The following GLRA2 variants were observed in gnomAD, a reference collection of about 807,000 sequenced individuals.
GLRA2 encodes the protein glycine receptor alpha 2.
Under a neutral mutation model 31.6 loss-of-function variants are expected in GLRA2, and 11 were observed. That is an observed-to-expected ratio of 0.35 (90% confidence interval 0.22 to 0.58). The LOEUF is 0.58. GLRA2 is among the 20% of genes least tolerant of loss of function. GLRA2 has a pLI of 0.84. For synonymous variants in GLRA2, 132 were observed against 134.0 expected, an observed-to-expected ratio of 0.99 and a Z score of 0.10; for missense variants, 212 against 351.8, an observed-to-expected ratio of 0.60 and a Z score of 3.18.
At chrX:14,479,535 C>A in the GLRA2 span, among the ~76,000 whole-genome samples, 1 of 111,269 alleles carries the variant, frequency 9.0e-6, no homozygotes, top group Admixed American at 9.6e-5. Flanking sequence ...AACCCTGACT[C>A]CCCCTTCTCT....
At chrX:14,715,410 T>A (rs949415700) in intron 8 of GLRA2, among the ~76,000 whole-genome samples, 1 of 112,312 alleles carries the variant, frequency 8.9e-6, no homozygotes, top group Admixed American at 9.5e-5. Flanking sequence ...TTTATACATA[T>A]ATGCATTCAA....
At chrX:14,542,798 C>A (rs2089423812) in intron 2 of GLRA2, among the ~76,000 whole-genome samples, 1 of 110,039 alleles carries the variant, frequency 9.1e-6, no homozygotes, top group African/African-American at 3.3e-5. Flanking sequence ...AACATTAGTG[C>A]TGGTCAGTTG....
At chrX:14,543,236 CAAAAAAAA>C (rs60906048) in intron 2 of GLRA2, among the ~76,000 whole-genome samples, 1 of 23,372 alleles carries the variant, frequency 4.3e-5, no homozygotes, top group Non-Finnish European at 7.8e-5. Flanking sequence ...TTGTCATCTG[CAAAAAAAA>C]AAAAAAAAAA....
chrX:14,607,653 AC>A (rs1464575027), intron 6 of GLRA2, among the ~76,000 whole-genome samples: 1 of 111,522 alleles, frequency 9.0e-6, no homozygotes, highest in Non-Finnish European at 1.9e-5. Flanking sequence ...GTCAATTTGC[AC>A]CCACTGTCTT....
intron 7 of GLRA2, among the ~76,000 whole-genome samples, chrX:14,636,617 C>T (rs938730725): frequency 9.0e-6 from 1 of 110,726 alleles, no homozygotes; most frequent in Non-Finnish European, 1.9e-5. Context: ...CTAAATGTAA[C>T]ATGGTATCCT....
intron 1 of GLRA2, chrX:14,531,193 A>T (rs939779261): frequency 3.4e-6 from 3 of 882,953 alleles, no homozygotes; most frequent in Middle Eastern, 3.1e-4. Flanking sequence ...GTATTTATGC[A>T]TGCTCATATC....
intron 3 of GLRA2, among the ~76,000 whole-genome samples, chrX:14,580,720 A>G (rs372404507): frequency 8.9e-6 from 1 of 112,330 alleles, no homozygotes; most frequent in East Asian, 2.8e-4. Context: ...TCATAGTTTT[A>G]TAAGATTTTC....
chrX:14,713,577 C>A (rs959926011), intron 8 of GLRA2, among the ~76,000 whole-genome samples: 5 of 111,974 alleles, frequency 4.5e-5, no homozygotes, highest in Non-Finnish European at 9.4e-5. Context: ...TAAACAATTA[C>A]TTCTAGTCCA....
intron 7 of GLRA2, among the ~76,000 whole-genome samples, chrX:14,670,484 TG>T (rs2091080175): frequency 8.9e-6 from 1 of 112,105 alleles, no homozygotes; most frequent in Admixed American, 9.5e-5. Context: ...AGAGGTTTAA[TG>T]GACTTATAGT....
chrX:14,522,380 C>T, the GLRA2 span, among the ~76,000 whole-genome samples: 1 of 112,214 alleles, frequency 8.9e-6, no homozygotes, highest in Admixed American at 9.5e-5. Flanking sequence ...TCTGCAGTTA[C>T]TTCCTCCAGT....
intron 7 of GLRA2, among the ~76,000 whole-genome samples, chrX:14,638,427 A>G (rs2090737880): frequency 9.0e-6 from 1 of 111,643 alleles, no homozygotes; most frequent in African/African-American, 3.3e-5. Flanking sequence ...TTCTCATTCA[A>G]ATAAACATGT....
At chrX:14,503,205 C>A in the GLRA2 span, among the ~76,000 whole-genome samples, 1 of 111,482 alleles carries the variant, frequency 9.0e-6, no homozygotes, top group Non-Finnish European at 1.9e-5. Context: ...CAGAACAAGG[C>A]AGTTGCTTTA....
the GLRA2 span, among the ~76,000 whole-genome samples, chrX:14,503,083 T>TG: frequency 9.0e-6 from 1 of 111,068 alleles, no homozygotes; most frequent in African/African-American, 3.3e-5. Flanking sequence ...CTATTGATTT[T>TG]GGGGGTTGCA....
the GLRA2 span, among the ~76,000 whole-genome samples, chrX:14,469,280 A>C: frequency 8.9e-6 from 1 of 111,857 alleles, no homozygotes; most frequent in Non-Finnish European, 1.9e-5. Flanking sequence ...GTTTTCTTCT[A>C]GGGTTTTTAT....
chrX:14,654,513 T>C (rs1402471849), intron 7 of GLRA2, among the ~76,000 whole-genome samples: 1 of 112,068 alleles, frequency 8.9e-6, no homozygotes, highest in African/African-American at 3.2e-5. Context: ...CAATATTCAC[T>C]TTATTGCAGT....
chrX:14,656,878 G>A (rs774218833), intron 7 of GLRA2, among the ~76,000 whole-genome samples: 6 of 112,093 alleles, frequency 5.4e-5, no homozygotes, highest in South Asian at 7.4e-4. Context: ...GTGTTGGAGC[G>A]TGGTAAATTG....
chrX:14,616,642 T>C (rs1367419791), intron 7 of GLRA2, among the ~76,000 whole-genome samples: 1 of 112,045 alleles, frequency 8.9e-6, no homozygotes, highest in Admixed American at 9.5e-5. Flanking sequence ...GTAAGACTGA[T>C]ACCTGTAGGA....
Position 14,532,391 on chromosome X carries a change from T to G in GLRA2, c.202+19T>G, listed in dbSNP as rs997700608. ...TTTAAAGGTAGGTTCCACTTAAACT[T>G]ACGTTAAGCCTTTGAGAAATCTTCT... On this transcript the variant is annotated intron_variant, in intron 2 of 8. Transcript: ENST00000218075. 5 of 1,105,486 alleles carry G rather than the reference T, an allele frequency of 4.5e-6. No homozygotes were observed. The African/African-American group carries it at 9.2e-5, about 20-fold the overall frequency. 91.1% of individuals were successfully genotyped at this position (1,105,486 alleles called of 1,213,427 possible).
At chrX:14,453,984 T>TA in the GLRA2 span, among the ~76,000 whole-genome samples, 1 of 111,718 alleles carries the variant, frequency 9.0e-6, no homozygotes, top group Middle Eastern at 4.7e-3. Context: ...CATCTTGACA[T>TA]AAAATCATAG....
Sources: gnomAD v4.1 joint callset for allele counts (sites outside exome capture counted in the v4.1 genomes callset) on GRCh38, gnomAD v4.1.1 for gene constraint, MANE v1.5 for transcripts, NCBI Gene and HGNC (gene_info 2026-07-23, HGNC 2026-07-21) for gene names.